Variants in CEACAM20 observed in about 807,000 individuals in gnomAD.
CEACAM20 encodes CEA cell adhesion molecule 20, also known as cell adhesion molecule CEACAM20.
In CEACAM20, 50 loss-of-function variants were observed where a neutral mutation model predicts 61.2. The ratio of observed to expected loss-of-function variants is 0.82; its 90% confidence interval spans 0.65 to 1.03. CEACAM20 has a LOEUF of 1.03. Ranked by LOEUF, CEACAM20 falls within the 50% of genes least tolerant of loss-of-function variation. CEACAM20 has a pLI of 0.00. For synonymous variants in CEACAM20, 282 were observed against 287.7 expected (o/e 0.98, Z 0.20); for missense variants, 683 against 736.4 (o/e 0.93, Z 0.84).
chr19:44,529,354 GCACACACACACACACACA>G (rs71940010), intron 1 of CEACAM20, 86 bp downstream of exon 1: 33 of 660,320 alleles, frequency 5.0e-5, no homozygotes, highest in Middle Eastern at 2.6e-4. Flanking sequence ...TTCCTCGAGT[GCACACACACACACACACA>G]CACACACACA....
At chr19:44,510,390 G>A (rs117524256) in intron 11 of CEACAM20, among the ~76,000 whole-genome samples, 15,844 of 151,806 alleles carry the variant, frequency 0.1, 901 homozygotes, top group Middle Eastern at 0.22. Context: ...GCTCGTGCCT[G>A]CAGTCCTAGC....
Position 44,511,992 on chromosome 19 carries a change from G to A in CEACAM20, c.1575+25C>T, listed in dbSNP as rs750158921. ...AGCAGCCTGGTCAGGGGATCAAGGAGGGTTCCCTCTGCAGCATCACTCACC... is the reference window on the plus strand; with the variant it reads ...AGCAGCCTGGTCAGGGGATCAAGGAAGGTTCCCTCTGCAGCATCACTCACC... On this transcript the variant is annotated intron_variant, in intron 9 of 11. Transcript: ENST00000614924. 8.1e-6 allele frequency: 13 copies of A among 1,597,864 alleles called. No homozygotes were observed. In the East Asian group the frequency reaches 2.7e-4, roughly 33 times the overall value.
rs1270665624 is a variant in CEACAM20 at position 44,510,596 on chromosome 19, GAAAGAAAGAAAGAA to G, written c.1737+420_1737+433del. Among the ~76,000 whole-genome samples the G allele has an allele frequency of 8.1e-3, 509 of 62,786 alleles. 14 individuals are homozygous for G. Among genetic ancestry groups the G allele is most frequent in the East Asian group, 0.065 (72 of 1,108 alleles). The allele number at this position is 62,786 out of a possible 152,430, so 41.2% of individuals were successfully genotyped here. ...AGAAAGAAAGAAAGAAAGAAAGAAA[GAAAGAAAGAAAGAA>G]AAAGGAAGGAAGGAAGAAAGAAAGA... On this transcript the variant is annotated intron_variant, in intron 11 of 11. Coordinates refer to ENST00000614924, the MANE Select transcript of CEACAM20 (RefSeq NM_001102597.3).
intron 1 of CEACAM20, among the ~76,000 whole-genome samples, chr19:44,527,615 C>T (rs1971566720): frequency 6.6e-6 from 1 of 152,090 alleles, no homozygotes; most frequent in African/African-American, 2.4e-5. Flanking sequence ...GCTTTCTTCT[C>T]ACAGGGTCCT....
intron 5 of CEACAM20, among the ~76,000 whole-genome samples, chr19:44,518,171 A>C (rs143573570): frequency 0.021 from 2,692 of 130,320 alleles, 45 homozygotes; most frequent in Non-Finnish European, 0.034. Context: ...AGGAAGGAAG[A>C]AAGCAGGCAG....
At position 44,523,033 on chromosome 19, in the gene CEACAM20, T is replaced by C. The variant is rs1001517912; in HGVS notation, c.473-121A>G. The C allele has an allele frequency of 2.8e-5, 24 of 855,072 alleles. No individual in the cohort carries two copies. The African/African-American group carries it at 3.2e-4, about 12-fold the overall frequency. 53.0% of individuals were successfully genotyped at this position (855,072 alleles called of 1,614,324 possible). A position where few individuals can be genotyped will look rare whatever the true frequency, so the allele number is the denominator to read the frequency against. ...CCTCCCCACTCAAAGGCTAGATCAA[T>C]TGCAAACGAGGTACAGCAGTCAGAT... On this transcript the variant is annotated intron_variant, in intron 3 of 11. Transcript: ENST00000614924.
At chr19:44,511,244 G>A in intron 10 of CEACAM20, 89 bp from the exon 11 acceptor site, 1 of 1,518,914 alleles carries the variant, frequency 6.6e-7, no homozygotes, top group Middle Eastern at 2.4e-4. Context: ...CCGAGAGAGT[G>A]GAAGGAATCT....
At chr19:44,514,740 T>A (rs568107127) in intron 6 of CEACAM20, among the ~76,000 whole-genome samples, 2 of 152,162 alleles carry the variant, frequency 1.3e-5, no homozygotes, top group Non-Finnish European at 2.9e-5. Flanking sequence ...ATTACAGGCA[T>A]GAGCCACCAT....
rs751294486 is a variant in CEACAM20 at position 44,517,229 on chromosome 19, G to C, written c.1031-5C>G. The C allele has an allele frequency of 1.2e-6, 2 of 1,601,388 alleles. No individual in the cohort carries two copies. Among genetic ancestry groups the C allele is most frequent in the Admixed American group, 3.3e-5 (2 of 59,982 alleles). Reference sequence around the variant, plus strand: ...TGTGCACTTGGTCAGGACCATCTGTGTGTAAAGCCAAACGTGATGCACCCT... The same window carrying C: ...TGTGCACTTGGTCAGGACCATCTGTCTGTAAAGCCAAACGTGATGCACCCT... On this transcript the variant is annotated splice_region_variant and splice_polypyrimidine_tract_variant and intron_variant, in intron 5 of 11. Transcript: ENST00000614924.
At chr19:44,522,991 A>G in intron 3 of CEACAM20, 79 bp from the exon 4 acceptor site, 2 of 1,227,440 alleles carry the variant, frequency 1.6e-6, no homozygotes, top group Admixed American at 2.2e-5. Flanking sequence ...ACGGATCAAT[A>G]AATACTTTAT....
chr19:44,525,023 A>G, intron 2 of CEACAM20, 78 bp downstream of exon 2: 2 of 1,558,166 alleles, frequency 1.3e-6, no homozygotes. Flanking sequence ...TCCTCTGGGG[A>G]CTTTGGGCGT....
At chr19:44,513,934 T>G (rs1971083271) in intron 6 of CEACAM20, among the ~76,000 whole-genome samples, 1 of 152,150 alleles carries the variant, frequency 6.6e-6, no homozygotes, top group South Asian at 2.1e-4. Flanking sequence ...TCTATATATA[T>G]AGTGTTTGTT....
In CEACAM20 at chr19:44,522,819, G is replaced by T. The variant is rs374925599; in HGVS notation, c.566C>A (p.Ala189Glu). Residue 189 changes from alanine (A) to glutamate (E), a missense_variant, in exon 4 of 12, where the codon GCG becomes GAG. Physicochemically the swap from Ala to Glu is moderately radical, Grantham distance 107 (BLOSUM62 -1). Coordinates refer to ENST00000614924, the MANE Select transcript of CEACAM20 (RefSeq NM_001102597.3). ...VMEGSSMTFL[A>E]ETKSHPPCAY... Reference sequence around the variant, plus strand: ...ACAGGGTGGGTGAGACTTTGTTTCCGCTAAGAAGGTCATGCTGGAGCCCTC... The same window carrying T: ...ACAGGGTGGGTGAGACTTTGTTTCCTCTAAGAAGGTCATGCTGGAGCCCTC... 3 of 1,612,838 alleles carry T rather than the reference G, an allele frequency of 1.9e-6. No individual in the cohort carries two copies. The highest frequency in any genetic ancestry group is 2.7e-5 in the African/African-American group (2 of 74,856).
intron 1 of CEACAM20, 35 bp from the exon 2 acceptor site, chr19:44,525,279 G>A: frequency 6.5e-7 from 1 of 1,546,860 alleles, no homozygotes; most frequent in Non-Finnish European, 8.7e-7. Flanking sequence ...CAGGGAGGGA[G>A]AGGTGTGTTG....
At chr19:44,509,435 C>G (rs1309496627) in intron 11 of CEACAM20, among the ~76,000 whole-genome samples, 1 of 149,728 alleles carries the variant, frequency 6.7e-6, no homozygotes, top group Non-Finnish European at 1.5e-5. Flanking sequence ...AAACTGAAAT[C>G]AATGGTATAA....
intron 11 of CEACAM20, 76 bp from the exon 12 acceptor site, chr19:44,506,290 C>A: frequency 1.5e-6 from 2 of 1,302,358 alleles, no homozygotes; most frequent in Admixed American, 1.9e-5. Context: ...GTCTGGGGCC[C>A]AAACAGCCTG....
chr19:44,513,915 T>C (rs1971082354), intron 6 of CEACAM20, among the ~76,000 whole-genome samples: 1 of 152,112 alleles, frequency 6.6e-6, no homozygotes, highest in Non-Finnish European at 1.5e-5. Flanking sequence ...AACATACATG[T>C]ATTCATTTTC....
chr19:44,520,878 G>T (rs1005180499), intron 4 of CEACAM20, 126 bp from the exon 5 acceptor site: 4 of 928,506 alleles, frequency 4.3e-6, no homozygotes, highest in East Asian at 2.4e-5. Flanking sequence ...GTTACAGGTG[G>T]TGTATATGAT....
At chr19:44,527,405 A>G (rs966107808) in intron 1 of CEACAM20, among the ~76,000 whole-genome samples, 8 of 152,170 alleles carry the variant, frequency 5.3e-5, no homozygotes, top group African/African-American at 1.9e-4. Flanking sequence ...CATCTTTGCC[A>G]TTTATTTGGT....
Sources: allele counts gnomAD v4.1 joint callset (sites outside exome capture counted in the v4.1 genomes callset), GRCh38; gene constraint gnomAD v4.1.1; transcripts MANE v1.5; gene names NCBI Gene and HGNC (gene_info 2026-07-23, HGNC 2026-07-21).